ERBB2: variants seen among roughly 807,000 people sequenced by gnomAD.
The protein encoded by ERBB2 is receptor tyrosine-protein kinase erbB-2.
Under a neutral mutation model 149.0 loss-of-function variants are expected in ERBB2, and 61 were observed. The observed-to-expected ratio is 0.41, with a 90% CI of 0.33 to 0.51. ERBB2 has a LOEUF of 0.51. ERBB2 is among the 20% of genes least tolerant of loss of function. The probability of loss-of-function intolerance (pLI) is 0.25; values close to 1 mark genes in which losing one functional copy is unlikely to be tolerated. For missense variants in ERBB2, 1,205 were observed against 1,655.1 expected (o/e 0.73, Z 4.72); for synonymous variants, 633 against 678.8 (o/e 0.93, Z 1.05).
rs4252613 is a variant in ERBB2 at position 39,708,476 on chromosome 17, C to G, written c.381C>G (p.Thr127=). Reference sequence around the variant, plus strand: ...ATGGAGACCCGCTGAACAATACCACCCCTGTCACAGGGGCCTCCCCAGGAG... The same window carrying G: ...ATGGAGACCCGCTGAACAATACCACGCCTGTCACAGGGGCCTCCCCAGGAG... ...LDNGDPLNNT[T]PVTGASPGGL... Residue 127 remains threonine, a synonymous_variant, in exon 3 of 27, where the codon ACC becomes ACG. Transcript: ENST00000269571. 1.5e-3 allele frequency: 2,409 copies of G among 1,614,166 alleles called. 23 individuals are homozygous for G. The African/African-American group carries it at 0.027, about 18-fold the overall frequency.
At chr17:39,693,100 A>C (rs1231479866), upstream of ERBB2, among the ~76,000 whole-genome samples, 1 of 152,102 alleles carries the variant, frequency 6.6e-6, no homozygotes, top group Non-Finnish European at 1.5e-5. Context: ...ATGTAAAACA[A>C]TTTCATGCAG....
In ERBB2 at chr17:39,717,314, C is replaced by G. The variant is rs770928147; in HGVS notation, c.1738-6C>G. ...GCCCCCCACAAATCTTTTCTGCCCC[C>G]CCCAGGAGGCTGACCAGTGTGTGGC... On this transcript the variant is annotated splice_polypyrimidine_tract_variant and splice_region_variant and intron_variant, in intron 14 of 26. Transcript: ENST00000269571. 1.2e-6 allele frequency: 2 copies of G among 1,600,850 alleles called. No homozygotes were observed. The highest frequency in any genetic ancestry group is 2.7e-5 in the African/African-American group (2 of 74,588).
At chr17:39,692,014 C>T (rs1357029395), upstream of ERBB2, among the ~76,000 whole-genome samples, 12 of 149,180 alleles carry the variant, frequency 8.0e-5, no homozygotes, top group Middle Eastern at 3.5e-3. Context: ...CCACCACATC[C>T]GGCTAATTTT....
At chr17:39,700,468 G>C (rs2058030321) in intron 1 of ERBB2, among the ~76,000 whole-genome samples, 157 bp downstream of exon 1, 1 of 152,216 alleles carries the variant, frequency 6.6e-6, no homozygotes, top group African/African-American at 2.4e-5. Flanking sequence ...CCGGGCCCTG[G>C]GGCCCTCGGG....
intron 15 of ERBB2, 36 bp downstream of exon 15, chr17:39,717,516 T>C: frequency 1.3e-6 from 2 of 1,564,882 alleles, no homozygotes; most frequent in South Asian, 1.2e-5. Context: ...AAAGGAGGAC[T>C]TTCCTTTCAG....
upstream of ERBB2, among the ~76,000 whole-genome samples, chr17:39,691,916 C>T (rs1330423717): frequency 3.9e-4 from 38 of 97,756 alleles, no homozygotes; most frequent in African/African-American, 1.5e-3. Context: ...TATACATATA[C>T]ATATACATAT....
chr17:39,723,262 T>G lies in ERBB2; in HGVS notation c.1947-57T>G. 4 of 1,504,904 alleles carry G rather than the reference T, an allele frequency of 2.7e-6. No individual in the cohort carries two copies. Among genetic ancestry groups the G allele is most frequent in the African/African-American group, 1.4e-5 (1 of 72,468 alleles). The allele number at this position is 1,504,904 out of a possible 1,614,324, so 93.2% of individuals were successfully genotyped here. ...ACCTTCATGTCCCCCGTGGGCCCCC[T>G]TTGTCCCTCCCACCCCAAACTAGCC... On this transcript the variant is annotated intron_variant, in intron 16 of 26. Coordinates refer to ENST00000269571, the MANE Select transcript of ERBB2 (RefSeq NM_004448.4). The surrounding 1 kb of genome is among the most constrained non-coding windows in gnomAD (Gnocchi z 6.2).
intron 9 of ERBB2, among the ~76,000 whole-genome samples, chr17:39,714,202 G>A (rs868361608): frequency 3.9e-5 from 6 of 152,182 alleles, no homozygotes; most frequent in African/African-American, 1.2e-4. Flanking sequence ...TGTGGTTTTC[G>A]TCGTTTTGGT....
chr17:39,702,772 A>G (rs1355720729), intron 1 of ERBB2, among the ~76,000 whole-genome samples: 1 of 152,208 alleles, frequency 6.6e-6, no homozygotes, highest in East Asian at 1.9e-4. Flanking sequence ...CCATGCTTTC[A>G]TTTAATCTCT....
chr17:39,725,641 A>T lies in ERBB2; in HGVS notation c.2726-66A>T, dbSNP rs2143048027. On this transcript the variant is annotated intron_variant, in intron 22 of 26. Coordinates refer to ENST00000269571, the MANE Select transcript of ERBB2 (RefSeq NM_004448.4). The surrounding 1 kb of genome is among the most constrained non-coding windows in gnomAD (Gnocchi z 4.6). ...GCCATGATGCTAGACTCCTGAGCAG[A>T]ACCTCTGGCTCAGTACACTAAAGCT... 6.6e-7 allele frequency: 1 copy of T among 1,519,584 alleles called. No homozygotes were observed. Among genetic ancestry groups the T allele is most frequent in the Non-Finnish European group, 8.9e-7 (1 of 1,120,690 alleles). 94.1% of individuals were successfully genotyped at this position (1,519,584 alleles called of 1,614,324 possible). A position where few individuals can be genotyped will look rare whatever the true frequency, so the allele number is the denominator to read the frequency against.
At chr17:39,715,677 A>T (rs190842056) in intron 11 of ERBB2, 63 bp from the exon 12 acceptor site, 397 of 1,584,320 alleles carry the variant, frequency 2.5e-4, no homozygotes, top group Admixed American at 7.5e-4. Flanking sequence ...ATGGAGGAAG[A>T]TGAGAATAGC....
At chr17:39,716,142 C>T (rs774435956) in intron 12 of ERBB2, 159 bp from the exon 13 acceptor site, 2 of 996,782 alleles carry the variant, frequency 2.0e-6, no homozygotes, top group East Asian at 5.2e-5. Context: ...CTTCCCTCCC[C>T]CTCTGTTTCT....
At chr17:39,722,107 G>A (rs2059485661) in intron 16 of ERBB2, among the ~76,000 whole-genome samples, 1 of 151,892 alleles carries the variant, frequency 6.6e-6, no homozygotes, top group African/African-American at 2.4e-5. Flanking sequence ...TAGTAGAGAC[G>A]GGGTTTCTCC....
chr17:39,726,034 C>A lies in ERBB2; in HGVS notation c.2872+181C>A. 1 of 606,910 alleles carries A rather than the reference C, an allele frequency of 1.6e-6. No homozygotes were observed. The highest frequency in any genetic ancestry group is 2.8e-6 in the Non-Finnish European group (1 of 355,362). The allele number at this position is 606,910 out of a possible 1,614,324, so 37.6% of individuals were successfully genotyped here. On this transcript the variant is annotated intron_variant, in intron 23 of 26. Transcript: ENST00000269571. The surrounding 1 kb of genome is among the most constrained non-coding windows in gnomAD (Gnocchi z 5.1). ...AAAGTCCAAAGCCACTCTTGAGGAA[C>A]ACTCTTGTACAAAATTAAGCTGGGC...
At chr17:39,724,495 T>C (rs570155973) in intron 19 of ERBB2, among the ~76,000 whole-genome samples, 1 of 151,896 alleles carries the variant, frequency 6.6e-6, no homozygotes, top group African/African-American at 2.4e-5. Context: ...CCTGACCTCA[T>C]GATCCGCCCG....
chr17:39,691,171 TCTCTGGGAAC>T (rs1352390303), upstream of ERBB2, among the ~76,000 whole-genome samples: 1 of 152,110 alleles, frequency 6.6e-6, no homozygotes, highest in Non-Finnish European at 1.5e-5. Flanking sequence ...CATGTGCAAG[TCTCTGGGAAC>T]AGAGTGATGA....
intron 3 of ERBB2, 111 bp from the exon 4 acceptor site, chr17:39,709,207 T>A (rs1485337066): frequency 1.6e-6 from 2 of 1,263,232 alleles, no homozygotes; most frequent in Admixed American, 4.1e-5. Flanking sequence ...CCCTGGGGAA[T>A]CTGGGGGTTG....
chr17:39,708,277 T>G (rs752427170), intron 2 of ERBB2, 44 bp from the exon 3 acceptor site: 1 of 1,525,852 alleles, frequency 6.6e-7, no homozygotes, highest in Non-Finnish European at 9.0e-7. Context: ...CCCTGGGGGG[T>G]GGCAGTGTTC....
rs2059899808 is a variant in ERBB2 at position 39,728,537 on chromosome 17, TTTTG to T, written c.*497_*500del. On this transcript the variant is annotated 3_prime_UTR_variant, in exon 27 of 27. Transcript: ENST00000269571. Reference sequence around the variant, plus strand: ...TTCTGTTTAGTTTTTACTTTTTTTGTTTTGTTTTTTTAAAGATGAAATAAAGACC... The same window carrying T: ...TTCTGTTTAGTTTTTACTTTTTTTGTTTTTTTTAAAGATGAAATAAAGACC... The T allele has an allele frequency of 8.5e-6, 2 of 234,872 alleles. No homozygotes were observed. The highest frequency in any genetic ancestry group is 8.4e-6 in the Non-Finnish European group (1 of 119,310). The allele number at this position is 234,872 out of a possible 1,614,324, so 14.5% of individuals were successfully genotyped here.
Sources: allele counts gnomAD v4.1 joint callset (sites outside exome capture counted in the v4.1 genomes callset), GRCh38; gene constraint gnomAD v4.1.1; non-coding constraint Gnocchi (gnomAD v3.1); transcripts MANE v1.5; gene names NCBI Gene and HGNC (gene_info 2026-07-23, HGNC 2026-07-21).